The following GRIA1 variants were observed in gnomAD, a reference collection of about 807,000 sequenced individuals.
The protein encoded by GRIA1 is glutamate ionotropic receptor AMPA type subunit 1, also known as glutamate receptor 1.
In GRIA1, 31 loss-of-function variants were observed where a neutral mutation model predicts 99.2. The ratio of observed to expected loss-of-function variants is 0.31; its 90% CI spans 0.23 to 0.42. GRIA1 has a LOEUF of 0.42. Ranked by LOEUF, GRIA1 falls within the 10% of genes least tolerant of loss-of-function variation. The pLI, the probability that GRIA1 is intolerant of heterozygous loss-of-function variation, is 1.00. For synonymous variants in GRIA1, 438 were observed against 432.4 expected (o/e 1.01, Z -0.16); for missense variants, 782 against 1,157.5 (o/e 0.68, Z 4.71).
chr5:153,714,565 G>A (rs921843337), intron 11 of GRIA1, among the ~76,000 whole-genome samples: 19 of 152,120 alleles, frequency 1.2e-4, no homozygotes, highest in Non-Finnish European at 2.2e-4. Flanking sequence ...TCCCAGAGAC[G>A]ACCTCTTGTT....
intron 11 of GRIA1, among the ~76,000 whole-genome samples, chr5:153,722,112 C>T (rs1760113370): frequency 6.6e-6 from 1 of 152,096 alleles, no homozygotes; most frequent in South Asian, 2.1e-4. Context: ...GAGTAGCTAT[C>T]CTCTTTTATA....
chr5:153,813,818 A>G lies in GRIA1; in HGVS notation c.*2593A>G, dbSNP rs1019264061. The G allele has an allele frequency of 6.6e-6, 1 of 152,018 alleles. No homozygotes were observed. Among genetic ancestry groups the G allele is most frequent in the African/African-American group, 2.4e-5 (1 of 41,386 alleles). The allele number at this position is 152,018 out of a possible 1,614,324, so 9.4% of individuals were successfully genotyped here. A position where few individuals can be genotyped will look rare whatever the true frequency, so the allele number is the denominator to read the frequency against. On this transcript the variant is annotated 3_prime_UTR_variant, in exon 16 of 16. Transcript: ENST00000285900. ...AATAGCCAGGTTTTTTTCTTTTGGT[A>G]TTTGCATAAAATGAAAATATCACCG...
At position 153,802,510 on chromosome 5, in the gene GRIA1, C is replaced by T; in HGVS notation, c.2520+20C>T. 2 of 1,613,552 alleles carry T rather than the reference C, an allele frequency of 1.2e-6. No individual in the cohort carries two copies. Among genetic ancestry groups the T allele is most frequent in the Non-Finnish European group, 1.7e-6 (2 of 1,179,632 alleles). On this transcript the variant is annotated intron_variant, in intron 15 of 15. Coordinates refer to ENST00000285900, the MANE Select transcript of GRIA1 (RefSeq NM_000827.4). Reference sequence around the variant, plus strand: ...ATGAAGGTGGCATCGTCTTCCCGGGCCTTTTTCCTAACCTGTTCTGTGATG... The same window carrying T: ...ATGAAGGTGGCATCGTCTTCCCGGGTCTTTTTCCTAACCTGTTCTGTGATG...
chr5:153,601,583 C>CGCGCCGGG (rs1764967746), intron 2 of GRIA1, among the ~76,000 whole-genome samples: 1 of 152,182 alleles, frequency 6.6e-6, no homozygotes, highest in Non-Finnish European at 1.5e-5. Flanking sequence ...CGGAAAACAC[C>CGCGCCGGG]TCTCTATTCA....
chr5:153,675,699 T>C (rs1756520865), intron 6 of GRIA1, among the ~76,000 whole-genome samples: 1 of 152,186 alleles, frequency 6.6e-6, no homozygotes, highest in Non-Finnish European at 1.5e-5. Flanking sequence ...AACTCTTCAA[T>C]AATGAAGACT....
At chr5:153,691,823 A>C (rs919488013) in intron 8 of GRIA1, among the ~76,000 whole-genome samples, 1 of 152,108 alleles carries the variant, frequency 6.6e-6, no homozygotes, top group African/African-American at 2.4e-5. Flanking sequence ...GAGTCCTGCT[A>C]TGTTCTTGCC....
At chr5:153,557,113 T>C (rs1259613855) in intron 2 of GRIA1, among the ~76,000 whole-genome samples, 1 of 152,172 alleles carries the variant, frequency 6.6e-6, no homozygotes, top group African/African-American at 2.4e-5. Flanking sequence ...GCACTTACCA[T>C]GAATGGAGCT....
At chr5:153,629,343 G>A (rs1034119194) in intron 2 of GRIA1, among the ~76,000 whole-genome samples, 3 of 152,210 alleles carry the variant, frequency 2.0e-5, no homozygotes, top group Admixed American at 2.0e-4. Context: ...TTGCAGCCCA[G>A]TTGACAGCCA....
rs143036816 is a variant in GRIA1 at position 153,796,252 on chromosome 5, G to A, written c.2385+1517G>A. ...TTAGAGTTGAAAGAGAGCCTGCAGA[G>A]GATTTAATCCCACCCTGGCAAAACT... On this transcript the variant is annotated intron_variant, in intron 14 of 15. Coordinates refer to ENST00000285900, the MANE Select transcript of GRIA1 (RefSeq NM_000827.4). Among the ~76,000 whole-genome samples the A allele has an allele frequency of 3.8e-3, 579 of 152,084 alleles. 7 individuals are homozygous for A. Among genetic ancestry groups the A allele is most frequent in the African/African-American group, 0.013 (545 of 41,510 alleles).
chr5:153,504,013 A>G (rs1162605380), intron 2 of GRIA1, among the ~76,000 whole-genome samples: 1 of 152,176 alleles, frequency 6.6e-6, no homozygotes, highest in East Asian at 1.9e-4. Context: ...AGTCCAGTGG[A>G]AAGGAAACTT....
chr5:153,674,179 C>CAA (rs1164684936), intron 5 of GRIA1, among the ~76,000 whole-genome samples: 1 of 152,236 alleles, frequency 6.6e-6, no homozygotes, highest in Non-Finnish European at 1.5e-5. Context: ...TGTGTCGTTG[C>CAA]ATTGTATGTT....
chr5:153,502,930 C>T (rs1755147844), intron 2 of GRIA1, among the ~76,000 whole-genome samples: 1 of 152,130 alleles, frequency 6.6e-6, no homozygotes, highest in Non-Finnish European at 1.5e-5. Context: ...ATACATTTTC[C>T]ATCCTTTTTT....
At chr5:153,721,865 T>C (rs1398589277) in intron 11 of GRIA1, among the ~76,000 whole-genome samples, 2 of 152,214 alleles carry the variant, frequency 1.3e-5, no homozygotes, top group African/African-American at 4.8e-5. Context: ...TTCTGTTGGA[T>C]GCATAACTAG....
intron 2 of GRIA1, among the ~76,000 whole-genome samples, chr5:153,578,284 G>A (rs1191380339): frequency 6.6e-6 from 1 of 152,064 alleles, no homozygotes. Flanking sequence ...TAAATAGTGG[G>A]TCAGTGAATG....
At chr5:153,519,495 C>T (rs768770069) in intron 2 of GRIA1, among the ~76,000 whole-genome samples, 6 of 151,588 alleles carry the variant, frequency 4.0e-5, no homozygotes, top group Admixed American at 6.6e-5. Context: ...CTCATCTTAA[C>T]GCTGTGAGTG....
chr5:153,682,050 A>G (rs1428962405), intron 7 of GRIA1, among the ~76,000 whole-genome samples: 1 of 149,726 alleles, frequency 6.7e-6, no homozygotes, highest in Non-Finnish European at 1.5e-5. Context: ...AAAAAAAAAA[A>G]GCATCATGCA....
chr5:153,794,297 CA>C (rs1326361648), intron 13 of GRIA1, among the ~76,000 whole-genome samples: 3 of 151,552 alleles, frequency 2.0e-5, no homozygotes, highest in Non-Finnish European at 4.4e-5. Context: ...GTCCACTTTG[CA>C]AAGAAAAGAA....
chr5:153,508,133 G>T (rs955374137), intron 2 of GRIA1, among the ~76,000 whole-genome samples: 2 of 152,214 alleles, frequency 1.3e-5, no homozygotes, highest in African/African-American at 2.4e-5. Context: ...ATGGGACAGA[G>T]AGTGAGCTGT....
intron 8 of GRIA1, among the ~76,000 whole-genome samples, chr5:153,696,268 T>C (rs1210577412): frequency 1.3e-5 from 2 of 152,136 alleles, no homozygotes; most frequent in African/African-American, 4.8e-5. Flanking sequence ...AGTTAAAACA[T>C]AAAAAGCACT....
Sources: allele counts gnomAD v4.1 joint callset (sites outside exome capture counted in the v4.1 genomes callset), GRCh38; gene constraint gnomAD v4.1.1; transcripts MANE v1.5; gene names NCBI Gene and HGNC (gene_info 2026-07-23, HGNC 2026-07-21).